The following CFAP36 variants were observed in gnomAD, a reference collection of about 807,000 sequenced individuals.
CFAP36 encodes cilia and flagella associated protein 36.
Under a neutral mutation model 50.5 loss-of-function variants are expected in CFAP36, and 37 were observed. The ratio of observed to expected loss-of-function variants is 0.73; its 90% CI spans 0.56 to 0.96. The LOEUF (loss-of-function observed/expected upper bound fraction) is 0.96, where lower values mean the gene tolerates loss of function less well. Among genes scored for constraint, CFAP36 ranks in the 50% least tolerant of loss-of-function variants. CFAP36 has a pLI of 0.00. For missense variants in CFAP36, 407 were observed against 396.2 expected, an observed-to-expected ratio of 1.03 and a Z score of -0.23; for synonymous variants, 138 against 128.2, an observed-to-expected ratio of 1.08 and a Z score of -0.52.
chr2:55,528,790 C>T (rs747357347), intron 3 of CFAP36, 88 bp from the exon 4 acceptor site: 2 of 701,542 alleles, frequency 2.9e-6, no homozygotes, highest in Non-Finnish European at 4.9e-6. Context: ...TTGAATTAAT[C>T]TACTGTTTTG....
chr2:55,520,404 G>C (rs1381176058), intron 1 of CFAP36: 4 of 1,540,580 alleles, frequency 2.6e-6, no homozygotes, highest in Non-Finnish European at 1.8e-6. Context: ...CAAACCAACA[G>C]TTAACTGCAA....
chr2:55,533,674 G>A (rs1443647651), intron 4 of CFAP36, among the ~76,000 whole-genome samples, 199 bp from the exon 5 acceptor site: 11 of 140,576 alleles, frequency 7.8e-5, no homozygotes, highest in Admixed American at 2.3e-4. Context: ...CAGCCTGGGC[G>A]ACAGAAAGAG....
At chr2:55,539,267 C>G (rs530289902) in intron 7 of CFAP36, 1 of 152,590 alleles carries the variant, frequency 6.6e-6, no homozygotes, top group Non-Finnish European at 1.5e-5. Flanking sequence ...TGTGCTCTGC[C>G]TATTCATCCT....
chr2:55,523,108 A>AAAAGAAAG (rs1174648648), intron 2 of CFAP36, among the ~76,000 whole-genome samples: 3 of 146,780 alleles, frequency 2.0e-5, no homozygotes, highest in East Asian at 2.0e-4. Flanking sequence ...AAAAAAAAAA[A>AAAAGAAAG]AAAGAAAGAA....
In CFAP36 at chr2:55,535,711, G is replaced by GA. The variant is rs1684463159; in HGVS notation, c.489dup (p.Ser164IlefsTer6). ...TTTTATCTTATTTTTGTATATTTCA[G>GA]AAAATCAAAAGAGGAATATGACCAG... On this transcript the variant is annotated frameshift_variant and splice_region_variant. Transcript: ENST00000349456. LOFTEE classifies it high-confidence loss of function. 6.5e-7 allele frequency: 1 copy of GA among 1,529,274 alleles called. No individual in the cohort carries two copies. Among genetic ancestry groups the GA allele is most frequent in the Non-Finnish European group, 8.7e-7 (1 of 1,148,972 alleles). 94.7% of individuals were successfully genotyped at this position (1,529,274 alleles called of 1,614,324 possible). A position where few individuals can be genotyped will look rare whatever the true frequency, so the allele number is the denominator to read the frequency against.
intron 6 of CFAP36, 47 bp downstream of exon 6, chr2:55,535,810 T>C: frequency 6.5e-7 from 1 of 1,529,416 alleles, no homozygotes; most frequent in Non-Finnish European, 8.7e-7. Context: ...TGTTATCTCT[T>C]ATTAAGTTTA....
intron 4 of CFAP36, chr2:55,530,920 A>G (rs1431205143): frequency 6.6e-6 from 1 of 152,216 alleles, no homozygotes; most frequent in East Asian, 1.9e-4. Flanking sequence ...ACATGCAACA[A>G]TAGGGCTTCC....
chr2:55,534,151 A>G (rs1223005444), intron 5 of CFAP36, among the ~76,000 whole-genome samples, 191 bp downstream of exon 5: 2 of 152,216 alleles, frequency 1.3e-5, no homozygotes, highest in African/African-American at 4.8e-5. Flanking sequence ...CAGGTAACTT[A>G]TACCAGATCA....
At chr2:55,525,660 C>T (rs936154345) in intron 3 of CFAP36, among the ~76,000 whole-genome samples, 3 of 150,532 alleles carry the variant, frequency 2.0e-5, no homozygotes, top group Non-Finnish European at 3.0e-5. Context: ...GATAGAGTTT[C>T]GCTCTTGTTG....
At position 55,528,983 on chromosome 2, in the gene CFAP36, G is replaced by T. The variant is rs1442511011; in HGVS notation, c.388G>T (p.Glu130Ter). Residue 130 changes from glutamate to a stop codon, truncating the protein, a stop_gained, in exon 4 of 10, where the codon GAG (glutamate) becomes TAG (stop). Transcript: ENST00000349456. LOFTEE classifies it high-confidence loss of function. ...GCTGCAAGCCATTCGAATAATTCAA[G>T]AGAGAAATGGTAAAATGTTGAAGTT... ...MQLQAIRIIQ[E>*]RNGVLPDCLT... 1.9e-6 allele frequency: 3 copies of T among 1,600,964 alleles called. No homozygotes were observed. The African/African-American group carries it at 4.0e-5, about 21-fold the overall frequency.
intron 4 of CFAP36, among the ~76,000 whole-genome samples, chr2:55,529,248 C>T (rs574817711): frequency 2.0e-5 from 3 of 152,014 alleles, no homozygotes; most frequent in East Asian, 1.9e-4. Flanking sequence ...AGTGAAACCC[C>T]GTCTCTACTA....
Position 55,519,872 on chromosome 2 carries a change from ACTGGTCCATCCCCAT to A in CFAP36, c.74_88del (p.Trp25_Ile29del). 6.2e-7 allele frequency: 1 copy of A among 1,614,230 alleles called. No homozygotes were observed. Among genetic ancestry groups the A allele is most frequent in the Non-Finnish European group, 8.5e-7 (1 of 1,180,042 alleles). On this transcript the variant is annotated inframe_deletion, in exon 1 of 10. Coordinates refer to ENST00000349456, the MANE Select transcript of CFAP36 (RefSeq NM_080667.7). ...ATCGCGGGGTTCCTGCGAGGCCCAG[ACTGGTCCATCCCCAT>A]CTTGGACTTTGTGGAACAGAAATGT...
At chr2:55,529,727 T>C (rs937919030) in intron 4 of CFAP36, among the ~76,000 whole-genome samples, 1 of 149,360 alleles carries the variant, frequency 6.7e-6, no homozygotes, top group East Asian at 2.0e-4. Flanking sequence ...GCTTACTGCA[T>C]GCTCTGCCTT....
At chr2:55,536,399 G>A (rs1347892193) in intron 6 of CFAP36, among the ~76,000 whole-genome samples, 1 of 151,874 alleles carries the variant, frequency 6.6e-6, no homozygotes, top group Admixed American at 6.6e-5. Flanking sequence ...CCAAAGTGCT[G>A]GGATTACAGG....
chr2:55,533,231 G>A (rs1483157226), intron 4 of CFAP36, among the ~76,000 whole-genome samples: 3 of 152,116 alleles, frequency 2.0e-5, no homozygotes, highest in African/African-American at 4.8e-5. Flanking sequence ...AATGATTTCC[G>A]TAGTATATTC....
At chr2:55,541,489 T>TAA (rs1684638448) in intron 7 of CFAP36, among the ~76,000 whole-genome samples, 1 of 152,238 alleles carries the variant, frequency 6.6e-6, no homozygotes, top group African/African-American at 2.4e-5. Flanking sequence ...ATGTAAATGG[T>TAA]ATTTTTAATT....
intron 7 of CFAP36, chr2:55,538,743 C>T: frequency 6.9e-7 from 1 of 1,454,818 alleles, no homozygotes; most frequent in Non-Finnish European, 9.4e-7. Context: ...GTACCCATCC[C>T]TTCTTTTTTT....
chr2:55,542,369 G>A (rs577331838), intron 7 of CFAP36, among the ~76,000 whole-genome samples: 1 of 152,086 alleles, frequency 6.6e-6, no homozygotes, highest in East Asian at 1.9e-4. Flanking sequence ...GAATCACTTC[G>A]TACAAAGTGA....
rs920456535 is a variant in CFAP36, at chr2:55,528,935, G to A, written c.340G>A (p.Val114Ile). The part of the protein sequence containing the change: ...EDFTIFKAMM[V>I]QKNIEMQLQA... ...TTTTACTATCTTTAAAGCAATGATG[G>A]TCCAGAAAAACATTGAAATGCAGCT... Residue 114 changes from valine to isoleucine, a missense_variant, in exon 4 of 10, where the codon GTC becomes ATC. Physicochemically the swap from Val to Ile is conservative, Grantham distance 29. Coordinates refer to ENST00000349456, the MANE Select transcript of CFAP36 (RefSeq NM_080667.7). 6.2e-7 allele frequency: 1 copy of A among 1,611,754 alleles called. No homozygotes were observed. Among genetic ancestry groups the A allele is most frequent in the South Asian group, 1.1e-5 (1 of 90,446 alleles).
Sources: allele counts gnomAD v4.1 joint callset (sites outside exome capture counted in the v4.1 genomes callset), GRCh38; gene constraint gnomAD v4.1.1; transcripts MANE v1.5; gene names NCBI Gene and HGNC (gene_info 2026-07-23, HGNC 2026-07-21).